ROBO2: variants seen among roughly 807,000 people sequenced by gnomAD.
The protein encoded by ROBO2 is roundabout homolog 2.
Under a neutral mutation model 160.8 loss-of-function variants are expected in ROBO2, and 53 were observed. The observed-to-expected ratio is 0.33, with a 90% CI of 0.26 to 0.41. ROBO2 has a LOEUF of 0.41. Ranked by LOEUF, ROBO2 falls within the 10% of genes least tolerant of loss-of-function variation. ROBO2 has a pLI of 1.00. For synonymous variants in ROBO2, 664 were observed against 611.7 expected, an observed-to-expected ratio of 1.09 and a Z score of -1.26; for missense variants, 1,577 against 1,722.4, an observed-to-expected ratio of 0.92 and a Z score of 1.49.
intron 23 of ROBO2, chr3:77,632,790 A>G (rs2153714263): frequency 2.8e-6 from 2 of 717,694 alleles, no homozygotes; most frequent in Non-Finnish European, 4.2e-6. Flanking sequence ...TACAGTTTGG[A>G]TGCTCCATTA....
intron 2 of ROBO2, among the ~76,000 whole-genome samples, chr3:76,358,018 G>C (rs2108354815): frequency 6.6e-6 from 1 of 151,562 alleles, no homozygotes; most frequent in East Asian, 2.0e-4. Context: ...AATTTTCCTA[G>C]CAATCAGTTA....
chr3:76,445,895 T>C (rs2077156921), intron 2 of ROBO2, among the ~76,000 whole-genome samples: 1 of 152,120 alleles, frequency 6.6e-6, no homozygotes, highest in East Asian at 1.9e-4. Flanking sequence ...TATCTCAAAA[T>C]AATAAGAGCT....
intron 2 of ROBO2, among the ~76,000 whole-genome samples, chr3:77,208,292 G>T (rs2083675326): frequency 6.6e-6 from 1 of 152,038 alleles, no homozygotes. Context: ...ATTTTGCTTT[G>T]GATAAAATAT....
chr3:76,064,429 C>G (rs1194065047), intron 2 of ROBO2, among the ~76,000 whole-genome samples: 1 of 152,092 alleles, frequency 6.6e-6, no homozygotes, highest in Non-Finnish European at 1.5e-5. Flanking sequence ...GTCCAGGGAA[C>G]TAGCATAACC....
chr3:75,933,822 G>T (rs1466454191), intron 1 of ROBO2, among the ~76,000 whole-genome samples: 1 of 152,104 alleles, frequency 6.6e-6, no homozygotes, highest in Non-Finnish European at 1.5e-5. Context: ...TGATTGAAGT[G>T]GTTCTAATAC....
At chr3:77,380,093 A>T (rs559231868) in intron 2 of ROBO2, among the ~76,000 whole-genome samples, 3 of 152,322 alleles carry the variant, frequency 2.0e-5, no homozygotes, top group East Asian at 3.9e-4. Flanking sequence ...TGTGCAGTAG[A>T]GAAGTGAGTC....
intron 1 of ROBO2, among the ~76,000 whole-genome samples, chr3:77,086,210 CAG>C (rs1016341873): frequency 3.3e-5 from 5 of 152,008 alleles, no homozygotes; most frequent in African/African-American, 1.2e-4. Flanking sequence ...AGTTTAGAGA[CAG>C]AGGTTATACT....
intron 2 of ROBO2, among the ~76,000 whole-genome samples, chr3:76,476,076 C>T (rs535831344): frequency 6.6e-6 from 1 of 152,258 alleles, no homozygotes; most frequent in East Asian, 1.9e-4. Context: ...TCACTTAAAC[C>T]CCGGAGGTGG....
intron 2 of ROBO2, among the ~76,000 whole-genome samples, chr3:77,102,708 C>A (rs187296253): frequency 6.6e-6 from 1 of 152,022 alleles, no homozygotes. Context: ...CTTTACCATA[C>A]TGCATTCATT....
At chr3:76,277,826 T>C (rs912939331) in intron 2 of ROBO2, among the ~76,000 whole-genome samples, 4 of 151,928 alleles carry the variant, frequency 2.6e-5, no homozygotes, top group African/African-American at 7.2e-5. Flanking sequence ...TAATACCAAC[T>C]TTATTGGGTT....
At chr3:77,351,949 G>C (rs995445490) in intron 2 of ROBO2, among the ~76,000 whole-genome samples, 4 of 151,650 alleles carry the variant, frequency 2.6e-5, no homozygotes, top group Admixed American at 6.6e-5. Flanking sequence ...GACTGTTGTG[G>C]AGTGGGGGCA....
Position 77,601,123 on chromosome 3 carries a change from T to C in ROBO2, c.2855-1087T>C, listed in dbSNP as rs150679334. The stretch of plus-strand genomic sequence containing the variant: ...CTTATGTAAAATTCAAAAGCAAAAG[T>C]AATATTTCTATAAGAATTTTTATTT... On this transcript the variant is annotated intron_variant, in intron 19 of 25. Coordinates refer to ENST00000461745, the Ensembl canonical transcript of ROBO2. Among the ~76,000 whole-genome samples, 476 of 152,256 alleles carry C rather than the reference T, an allele frequency of 3.1e-3. 3 individuals are homozygous for C. Among genetic ancestry groups the C allele is most frequent in the African/African-American group, 8.5e-3 (354 of 41,566 alleles).
At chr3:77,410,167 G>T (rs536607110) in intron 2 of ROBO2, among the ~76,000 whole-genome samples, 5 of 152,166 alleles carry the variant, frequency 3.3e-5, no homozygotes, top group African/African-American at 1.2e-4. Context: ...AGTGAATAAA[G>T]AAATCTTCAA....
chr3:76,424,729 G>A lies in ROBO2; in HGVS notation c.109+487127G>A, dbSNP rs994289255. ...TTGGAGTTGATGGATACAGTTATGC[G>A]TCGAAAGTGATGATACTATGATAGT... is the stretch of plus-strand genomic sequence containing the variant. On this transcript the variant is annotated intron_variant, in intron 2 of 26. Coordinates refer to the ROBO2 transcript ENST00000487694. Among the ~76,000 whole-genome samples the A allele has an allele frequency of 3.9e-5, 6 of 152,250 alleles. No homozygotes were observed. The South Asian group carries it at 6.2e-4, about 16-fold the overall frequency.
intron 2 of ROBO2, among the ~76,000 whole-genome samples, chr3:77,266,259 G>T (rs1389453510): frequency 6.7e-6 from 1 of 150,116 alleles, no homozygotes; most frequent in Admixed American, 6.7e-5. Context: ...TCTCTATTCA[G>T]TGCTCTAAGT....
At chr3:77,231,631 T>C (rs2087229069) in intron 2 of ROBO2, among the ~76,000 whole-genome samples, 1 of 152,138 alleles carries the variant, frequency 6.6e-6, no homozygotes, top group Non-Finnish European at 1.5e-5. Context: ...TATTATTTTT[T>C]TTCCTTAAAA....
intron 2 of ROBO2, among the ~76,000 whole-genome samples, chr3:77,348,458 T>C (rs1472912826): frequency 1.3e-4 from 20 of 152,056 alleles, no homozygotes; most frequent in Admixed American, 1.2e-3. Context: ...GGGACTGCCT[T>C]CTTTACCACA....
At chr3:75,992,572 G>C (rs2065605361) in intron 2 of ROBO2, among the ~76,000 whole-genome samples, 1 of 152,202 alleles carries the variant, frequency 6.6e-6, no homozygotes, top group Admixed American at 6.5e-5. Flanking sequence ...TGCTAGGAAA[G>C]TGCAGAAGGG....
intron 1 of ROBO2, among the ~76,000 whole-genome samples, chr3:75,935,765 T>C (rs1050567880): frequency 6.6e-6 from 1 of 152,292 alleles, no homozygotes; most frequent in Non-Finnish European, 1.5e-5. Flanking sequence ...GCATCAGTTT[T>C]TGGCTGATTG....
Sources: gnomAD v4.1 joint callset for allele counts (sites outside exome capture counted in the v4.1 genomes callset) on GRCh38, gnomAD v4.1.1 for gene constraint, MANE v1.5 for transcripts, NCBI Gene and HGNC (gene_info 2026-07-23, HGNC 2026-07-21) for gene names.